The following ZRANB3 variants were observed in gnomAD, a reference collection of about 807,000 sequenced individuals.
ZRANB3 encodes the protein zinc finger RANBP2-type containing 3.
ZRANB3 carries 125 observed loss-of-function variants against 133.8 expected under a neutral mutation model. That is an observed-to-expected ratio of 0.93 (90% CI 0.81 to 1.08). ZRANB3 has a LOEUF of 1.08. Among genes scored for constraint, ZRANB3 ranks in the 50% least tolerant of loss-of-function variants. ZRANB3 has a pLI of 0.00. For synonymous variants in ZRANB3, 387 were observed against 432.7 expected (o/e 0.89, Z 1.31); for missense variants, 1,229 against 1,275.5 (o/e 0.96, Z 0.56).
intron 2 of ZRANB3, among the ~76,000 whole-genome samples, chr2:135,484,399 T>C (rs1458122180): frequency 6.6e-6 from 1 of 152,188 alleles, no homozygotes; most frequent in Non-Finnish European, 1.5e-5. Context: ...AAATAGCAAA[T>C]GTTCTTGTTC....
chr2:135,413,756 T>G (rs1042496417), intron 2 of ZRANB3, among the ~76,000 whole-genome samples: 2 of 152,254 alleles, frequency 1.3e-5, no homozygotes, highest in South Asian at 4.1e-4. Context: ...ATCTGTGGAT[T>G]AAACCAACCA....
intron 9 of ZRANB3, among the ~76,000 whole-genome samples, chr2:135,275,325 G>A (rs1392875498): frequency 2.0e-5 from 3 of 147,136 alleles, no homozygotes; most frequent in Admixed American, 6.7e-5. Context: ...CCCAGATGGG[G>A]TGGCTGGCCA....
At chr2:135,302,098 T>G (rs1427815649) in intron 8 of ZRANB3, among the ~76,000 whole-genome samples, 2 of 152,232 alleles carry the variant, frequency 1.3e-5, no homozygotes, top group African/African-American at 4.8e-5. Context: ...CAACATTAAA[T>G]GTAGATGATA....
intron 2 of ZRANB3, among the ~76,000 whole-genome samples, chr2:135,491,358 T>C (rs184002251): frequency 6.6e-6 from 1 of 152,178 alleles, no homozygotes; most frequent in East Asian, 1.9e-4. Flanking sequence ...ATTAATTTAT[T>C]TTTTTTGAGA....
In ZRANB3 at chr2:135,230,938, C is replaced by A; in HGVS notation, c.1540-11G>T. 2 of 1,531,344 alleles carry A rather than the reference C, an allele frequency of 1.3e-6. No individual in the cohort carries two copies. The highest frequency in any genetic ancestry group is 2.6e-5 in the South Asian group (2 of 76,102). The allele number at this position is 1,531,344 out of a possible 1,614,324, so 94.9% of individuals were successfully genotyped here. The stretch of plus-strand genomic sequence containing the variant: ...TTTTTCTTTTTCGAACTAGGAAAAG[C>A]AAACAGTAGTTATCAAAGTAAGAAG... On this transcript the variant is annotated splice_polypyrimidine_tract_variant and intron_variant, in intron 12 of 20. Transcript: ENST00000264159.
intron 12 of ZRANB3, among the ~76,000 whole-genome samples, chr2:135,243,628 T>C (rs1695652113): frequency 6.6e-6 from 1 of 152,074 alleles, no homozygotes; most frequent in African/African-American, 2.4e-5. Flanking sequence ...AAACTTTTTT[T>C]TTCTTTCTGA....
chr2:135,390,346 T>A (rs1349463652), intron 3 of ZRANB3, among the ~76,000 whole-genome samples: 1 of 152,168 alleles, frequency 6.6e-6, no homozygotes, highest in Non-Finnish European at 1.5e-5. Context: ...CGAATAGGGA[T>A]ACATATAAGC....
intron 2 of ZRANB3, among the ~76,000 whole-genome samples, chr2:135,424,867 C>G (rs1016785277): frequency 3.3e-5 from 5 of 152,060 alleles, no homozygotes; most frequent in Non-Finnish European, 7.4e-5. Context: ...AATTTCAGAA[C>G]AATGAGGAAA....
intron 1 of ZRANB3, among the ~76,000 whole-genome samples, chr2:135,517,975 G>C (rs1006757704): frequency 1.3e-5 from 2 of 152,180 alleles, no homozygotes; most frequent in Non-Finnish European, 2.9e-5. Context: ...GGAATATAGA[G>C]AGGCATTCTG....
At chr2:135,306,588 G>A (rs1371793476) in intron 8 of ZRANB3, among the ~76,000 whole-genome samples, 5 of 137,342 alleles carry the variant, frequency 3.6e-5, no homozygotes, top group African/African-American at 8.2e-5. Flanking sequence ...CACCGCACCC[G>A]GCCTTTTTTT....
intron 1 of ZRANB3, among the ~76,000 whole-genome samples, chr2:135,530,325 T>C (rs1473344547): frequency 2.6e-5 from 4 of 152,180 alleles, no homozygotes; most frequent in African/African-American, 9.7e-5. Context: ...TCTACAAATT[T>C]AGCCGTGCAA....
At chr2:135,484,859 C>T (rs1199992879) in intron 2 of ZRANB3, among the ~76,000 whole-genome samples, 6 of 151,596 alleles carry the variant, frequency 4.0e-5, no homozygotes, top group Non-Finnish European at 7.4e-5. Context: ...TACAGTGAAA[C>T]CCCGCCTCTA....
intron 2 of ZRANB3, among the ~76,000 whole-genome samples, chr2:135,448,108 G>A (rs897920915): frequency 1.3e-5 from 2 of 152,116 alleles, no homozygotes; most frequent in Non-Finnish European, 2.9e-5. Flanking sequence ...TTAATATTTA[G>A]TATTTTAGAG....
intron 2 of ZRANB3, among the ~76,000 whole-genome samples, chr2:135,497,384 C>T (rs1692720911): frequency 6.6e-6 from 1 of 152,162 alleles, no homozygotes; most frequent in Non-Finnish European, 1.5e-5. Flanking sequence ...GGTACTGACA[C>T]AAAGATGGCA....
intron 17 of ZRANB3, among the ~76,000 whole-genome samples, chr2:135,210,459 G>A (rs775605015): frequency 6.6e-6 from 1 of 151,862 alleles, no homozygotes; most frequent in Non-Finnish European, 1.5e-5. Context: ...TCAGCCTCCC[G>A]TAGCTGGGAT....
chr2:135,466,744 C>T (rs896468384), intron 2 of ZRANB3, among the ~76,000 whole-genome samples: 2 of 151,402 alleles, frequency 1.3e-5, no homozygotes, highest in Admixed American at 1.3e-4. Flanking sequence ...ATGGCACAAT[C>T]TCAGCTCACT....
chr2:135,341,231 T>G (rs1419948826), intron 6 of ZRANB3, among the ~76,000 whole-genome samples: 1 of 149,830 alleles, frequency 6.7e-6, no homozygotes, highest in East Asian at 1.9e-4. Flanking sequence ...GGTTTCATCA[T>G]GTTAGCCAGG....
chr2:135,300,034 G>T (rs1308058315), intron 8 of ZRANB3, among the ~76,000 whole-genome samples: 2 of 152,064 alleles, frequency 1.3e-5, no homozygotes, highest in African/African-American at 4.8e-5. Flanking sequence ...CTAGAGCAAA[G>T]GAAGAGGAAA....
At chr2:135,285,571 A>G (rs988036840) in intron 8 of ZRANB3, among the ~76,000 whole-genome samples, 2 of 152,248 alleles carry the variant, frequency 1.3e-5, no homozygotes, top group African/African-American at 4.8e-5. Context: ...GAGGCAATTA[A>G]AGAGGAAACA....
Sources: allele counts gnomAD v4.1 joint callset (sites outside exome capture counted in the v4.1 genomes callset), GRCh38; gene constraint gnomAD v4.1.1; transcripts MANE v1.5; gene names NCBI Gene and HGNC (gene_info 2026-07-23, HGNC 2026-07-21).